The following KIAA1217 variants were observed in gnomAD, a reference collection of about 807,000 sequenced individuals.
The protein encoded by KIAA1217 is KIAA1217, also known as sickle tail protein homolog.
A neutral mutation model predicts 163.9 loss-of-function variants in KIAA1217; 88 were observed. The ratio of observed to expected loss-of-function variants is 0.54; its 90% CI spans 0.45 to 0.64. The LOEUF is 0.64. KIAA1217 is among the 30% of genes least tolerant of loss of function. The probability of loss-of-function intolerance (pLI) is 0.00; values close to 1 mark genes in which losing one functional copy is unlikely to be tolerated. For missense variants in KIAA1217, 2,372 were observed against 2,475.0 expected, an observed-to-expected ratio of 0.96 and a Z score of 0.88; for synonymous variants, 903 against 923.1, an observed-to-expected ratio of 0.98 and a Z score of 0.39.
At chr10:24,285,478 C>T (rs1049813845) in intron 2 of KIAA1217, among the ~76,000 whole-genome samples, 2 of 152,116 alleles carry the variant, frequency 1.3e-5, no homozygotes, top group African/African-American at 2.4e-5. Flanking sequence ...AGTCCTTTCC[C>T]CATGGCTTAG....
chr10:23,703,703 GT>G (rs1588627692), intron 1 of KIAA1217, among the ~76,000 whole-genome samples: 1 of 151,986 alleles, frequency 6.6e-6, no homozygotes, highest in Non-Finnish European at 1.5e-5. Context: ...GAAAGGGTAT[GT>G]TTTCCTCTTA....
At position 24,465,083 on chromosome 10, in the gene KIAA1217, C is replaced by T. The variant is rs139916979; in HGVS notation, c.847-8145C>T. Among the ~76,000 whole-genome samples the T allele has an allele frequency of 1.1e-3, 173 of 152,284 alleles. 2 individuals carry two copies. The highest frequency in any genetic ancestry group is 3.7e-3 in the African/African-American group (155 of 41,560). ...CCTCCATCCCCCTTCCTGGAAAGTA[C>T]GTGCTTGACTGAAGACACAAAACAA... On this transcript the variant is annotated intron_variant, in intron 5 of 20. Coordinates refer to ENST00000376454, the MANE Select transcript of KIAA1217 (RefSeq NM_019590.5).
chr10:24,012,570 G>A (rs940703841), intron 2 of KIAA1217, among the ~76,000 whole-genome samples: 15 of 152,078 alleles, frequency 9.9e-5, no homozygotes, highest in Admixed American at 3.3e-4. Flanking sequence ...AAGGCTGGTG[G>A]GTAAAATTCT....
intron 5 of KIAA1217, among the ~76,000 whole-genome samples, chr10:24,448,219 TAC>T (rs2061111467): frequency 1.3e-5 from 2 of 151,654 alleles, no homozygotes; most frequent in Non-Finnish European, 2.9e-5. Context: ...TCATCAGAAA[TAC>T]ACAGTTATCT....
intron 1 of KIAA1217, among the ~76,000 whole-genome samples, chr10:23,896,502 A>AGT (rs1185052281): frequency 2.0e-5 from 3 of 152,026 alleles, no homozygotes; most frequent in Non-Finnish European, 4.4e-5. Context: ...ACCACAGTGC[A>AGT]GTGCTATTTC....
At position 24,071,807 on chromosome 10, in the gene KIAA1217, G is replaced by T. The variant is rs978358465; in HGVS notation, c.-171+64433G>T. Among the ~76,000 whole-genome samples the T allele has an allele frequency of 5.3e-5, 8 of 152,308 alleles. No homozygotes were observed. In the East Asian group the frequency reaches 7.7e-4, roughly 15 times the overall value. ...CATTAGAAAGTAGAAGAAAAATAAA[G>T]TGAGTGTTGAAGATAAAATGGGGAA... On this transcript the variant is annotated intron_variant, in intron 2 of 18. Coordinates refer to the KIAA1217 transcript ENST00000376462.
intron 1 of KIAA1217, among the ~76,000 whole-genome samples, chr10:23,863,808 C>T (rs866955793): frequency 2.0e-5 from 3 of 152,150 alleles, no homozygotes; most frequent in South Asian, 2.1e-4. Context: ...ATGGCCTCTT[C>T]CTTCCAAGCA....
chr10:24,414,923 A>G lies in KIAA1217; in HGVS notation c.554-18072A>G, dbSNP rs144369091. Among the ~76,000 whole-genome samples, 667 of 151,968 alleles carry G rather than the reference A, an allele frequency of 4.4e-3. 1 individual carries two copies. Among genetic ancestry groups the G allele is most frequent in the African/African-American group, 0.015 (620 of 41,434 alleles). ...TCTTTAGAAGGTATCAGAGGAGAACAAAAGATAAAGGTACAACCAAAAAGT... is the reference window on the plus strand; with the variant it reads ...TCTTTAGAAGGTATCAGAGGAGAACGAAAGATAAAGGTACAACCAAAAAGT... On this transcript the variant is annotated intron_variant, in intron 3 of 20. Coordinates refer to ENST00000376454, the MANE Select transcript of KIAA1217 (RefSeq NM_019590.5).
In KIAA1217 at chr10:24,221,502, G is replaced by A. The variant is rs75233209; in HGVS notation, c.354+1593G>A. Among the ~76,000 whole-genome samples, 534 of 152,302 alleles carry A rather than the reference G, an allele frequency of 3.5e-3. 12 individuals carry two copies. The East Asian group carries it at 0.053, about 15-fold the overall frequency. On this transcript the variant is annotated intron_variant, in intron 2 of 20. Transcript: ENST00000376454. ...GCCTTTGATTATCCATGGAAATGGA[G>A]ATTGGCATCAGCCCGAATAATTGAA... is the stretch of plus-strand genomic sequence containing the variant.
chr10:23,831,021 C>T (rs754372346), intron 1 of KIAA1217, among the ~76,000 whole-genome samples: 4 of 151,984 alleles, frequency 2.6e-5, no homozygotes, highest in Non-Finnish European at 5.9e-5. Context: ...CCTGCAGAGC[C>T]CTGAGCTGAG....
At chr10:24,125,366 A>G (rs2063435445) in intron 2 of KIAA1217, among the ~76,000 whole-genome samples, 2 of 110,620 alleles carry the variant, frequency 1.8e-5, no homozygotes, top group South Asian at 3.2e-4. Flanking sequence ...GTGTGTGTGA[A>G]TAGGCTTTAA....
At chr10:23,879,141 G>A (rs1840836919) in intron 1 of KIAA1217, among the ~76,000 whole-genome samples, 1 of 152,026 alleles carries the variant, frequency 6.6e-6, no homozygotes, top group East Asian at 1.9e-4. Context: ...GGCTGGCTGA[G>A]ATCATTTAAA....
intron 2 of KIAA1217, among the ~76,000 whole-genome samples, chr10:24,301,916 C>A (rs2041396697): frequency 6.6e-6 from 1 of 151,758 alleles, no homozygotes; most frequent in Non-Finnish European, 1.5e-5. Flanking sequence ...GTGGTGGCGC[C>A]CGCCTATAAT....
At chr10:24,479,650 G>A (rs999640487) in intron 6 of KIAA1217, among the ~76,000 whole-genome samples, 8 of 152,186 alleles carry the variant, frequency 5.3e-5, no homozygotes, top group Non-Finnish European at 8.8e-5. Context: ...TGGGTACTTT[G>A]TAAAGAGAAG....
chr10:23,763,046 C>T (rs796534260), intron 1 of KIAA1217, among the ~76,000 whole-genome samples: 6 of 152,182 alleles, frequency 3.9e-5, no homozygotes, highest in African/African-American at 1.4e-4. Flanking sequence ...CCTAGGAATA[C>T]AGCTAACAAG....
At chr10:24,245,784 A>G (rs1331239077) in intron 2 of KIAA1217, among the ~76,000 whole-genome samples, 1 of 145,898 alleles carries the variant, frequency 6.9e-6, no homozygotes, top group Non-Finnish European at 1.5e-5. Flanking sequence ...GGCATGTACC[A>G]TCACACCAAC....
chr10:24,216,562 C>A (rs2068842183), intron 1 of KIAA1217, among the ~76,000 whole-genome samples: 1 of 152,002 alleles, frequency 6.6e-6, no homozygotes, highest in Non-Finnish European at 1.5e-5. Context: ...TGTGATGGCT[C>A]ATACTTGTAA....
intron 1 of KIAA1217, among the ~76,000 whole-genome samples, chr10:23,824,658 A>AAAATATAT (rs1837805755): frequency 1.9e-5 from 1 of 53,038 alleles, no homozygotes; most frequent in Non-Finnish European, 3.6e-5. Context: ...AAATAAAAAA[A>AAAATATAT]ATATATATAT....
chr10:24,537,941 A>G (rs2074278365), intron 17 of KIAA1217, among the ~76,000 whole-genome samples: 1 of 152,228 alleles, frequency 6.6e-6, no homozygotes, highest in Admixed American at 6.5e-5. Flanking sequence ...TCAGATATAA[A>G]GACATCTTAC....
Sources: gnomAD v4.1 joint callset for allele counts (sites outside exome capture counted in the v4.1 genomes callset) on GRCh38, gnomAD v4.1.1 for gene constraint, MANE v1.5 for transcripts, NCBI Gene and HGNC (gene_info 2026-07-23, HGNC 2026-07-21) for gene names.